Variants in DGKB observed in about 807,000 individuals in gnomAD.
DGKB encodes 90 kDa diacylglycerol kinase.
DGKB carries 67 observed loss-of-function variants against 114.3 expected under a neutral mutation model. That is an observed-to-expected ratio of 0.59 (90% CI 0.48 to 0.72). The LOEUF is 0.72. Among genes scored for constraint, DGKB ranks in the 30% least tolerant of loss-of-function variants. The pLI is 0.00. For synonymous variants in DGKB, 398 were observed against 323.1 expected (o/e 1.23, Z -2.49); for missense variants, 907 against 975.2 (o/e 0.93, Z 0.93).
intron 13 of DGKB, among the ~76,000 whole-genome samples, chr7:14,641,253 CAATAT>C (rs1811728995): frequency 5.2e-5 from 1 of 19,058 alleles, no homozygotes; most frequent in South Asian, 1.0e-3. Context: ...ATTTGGTTTA[CAATAT>C]AGGGATTTGG....
At chr7:14,921,641 T>C (rs2128247310) in intron 1 of DGKB, among the ~76,000 whole-genome samples, 1 of 152,266 alleles carries the variant, frequency 6.6e-6, no homozygotes, top group Admixed American at 6.5e-5. Flanking sequence ...CTGTTAACCA[T>C]CCTATAATAC....
intron 17 of DGKB, among the ~76,000 whole-genome samples, chr7:14,594,379 A>T (rs1364059426): frequency 2.6e-5 from 4 of 152,122 alleles, no homozygotes; most frequent in Non-Finnish European, 5.9e-5. Flanking sequence ...AGGTTAAAAT[A>T]TTTCTTGTAA....
In DGKB at chr7:14,841,318, T is replaced by C. The variant is rs1035402602; in HGVS notation, c.-55A>G. ...AGGTAAAAGATTCTTTATTCAGGTG[T>C]TGCGCAGAGGTCTATGCTTCAAAGA... On this transcript the variant is annotated 5_prime_UTR_variant, in exon 2 of 26. Coordinates refer to ENST00000402815, the MANE Select transcript of DGKB (RefSeq NM_001350709.2). 7.3e-6 allele frequency: 11 copies of C among 1,506,804 alleles called. No homozygotes were observed. Among genetic ancestry groups the C allele is most frequent in the Non-Finnish European group, 1.0e-5 (11 of 1,089,612 alleles). 93.3% of individuals were successfully genotyped at this position (1,506,804 alleles called of 1,614,324 possible).
chr7:14,203,975 T>A (rs1445272676), intron 23 of DGKB, among the ~76,000 whole-genome samples: 3 of 151,848 alleles, frequency 2.0e-5, no homozygotes, highest in Admixed American at 6.6e-5. Context: ...TATTCTCTCC[T>A]CCCCCAGCGA....
At chr7:14,689,196 C>CTTTT (rs1554599070) in intron 9 of DGKB, among the ~76,000 whole-genome samples, 8 of 80,306 alleles carry the variant, frequency 1.0e-4, no homozygotes, top group Admixed American at 3.9e-4. Flanking sequence ...AGAAACTCCT[C>CTTTT]TTATTTTTTT....
chr7:14,316,432 T>G (rs1383235630), intron 23 of DGKB, among the ~76,000 whole-genome samples: 1 of 121,352 alleles, frequency 8.2e-6, no homozygotes, highest in Non-Finnish European at 1.7e-5. Context: ...ATAGACGCAA[T>G]AAAAAATGAT....
chr7:14,154,141 G>A (rs1782622214), intron 25 of DGKB, among the ~76,000 whole-genome samples: 1 of 148,324 alleles, frequency 6.7e-6, no homozygotes, highest in South Asian at 2.1e-4. Flanking sequence ...CAAAAGGAGT[G>A]TGGATAATAG....
intron 21 of DGKB, among the ~76,000 whole-genome samples, chr7:14,379,528 C>T (rs962766728): frequency 6.6e-6 from 1 of 151,594 alleles, no homozygotes; most frequent in Admixed American, 6.6e-5. Context: ...TGGATGACTT[C>T]AGCTGGCTTT....
chr7:14,766,536 T>C (rs967038033), intron 2 of DGKB, among the ~76,000 whole-genome samples: 5 of 151,840 alleles, frequency 3.3e-5, no homozygotes, highest in African/African-American at 9.7e-5. Context: ...GAGTCTTCAA[T>C]TTTAGTTTTA....
intron 1 of DGKB, among the ~76,000 whole-genome samples, chr7:14,856,543 A>C (rs1337921317): frequency 6.6e-6 from 1 of 152,144 alleles, no homozygotes; most frequent in African/African-American, 2.4e-5. Context: ...AACTTGTATC[A>C]GATGGCCTTT....
chr7:14,487,075 C>T (rs757267198), intron 20 of DGKB, among the ~76,000 whole-genome samples: 1 of 152,202 alleles, frequency 6.6e-6, no homozygotes, highest in Admixed American at 6.5e-5. Context: ...TGCCACGTAC[C>T]GTGGTGGGCA....
intron 1 of DGKB, among the ~76,000 whole-genome samples, chr7:14,953,141 G>T (rs2128261420): frequency 6.6e-6 from 1 of 151,972 alleles, no homozygotes; most frequent in African/African-American, 2.4e-5. Flanking sequence ...TTCTGACATT[G>T]GATTTGCCAA....
chr7:14,574,513 G>A (rs970223439), intron 19 of DGKB, 141 bp from the exon 20 acceptor site: 3 of 673,786 alleles, frequency 4.5e-6, no homozygotes, highest in African/African-American at 1.8e-5. Context: ...ACCAAATGAA[G>A]AATTAATTAT....
At chr7:14,444,980 G>A (rs536029972) in intron 21 of DGKB, among the ~76,000 whole-genome samples, 1 of 151,904 alleles carries the variant, frequency 6.6e-6, no homozygotes, top group African/African-American at 2.4e-5. Context: ...TTAGTTACTA[G>A]TTCAAAGTGC....
At chr7:14,245,821 G>A (rs532193826) in intron 23 of DGKB, among the ~76,000 whole-genome samples, 1 of 152,120 alleles carries the variant, frequency 6.6e-6, no homozygotes, top group African/African-American at 2.4e-5. Context: ...CCAGCTACTC[G>A]AGAGGTTGAG....
intron 20 of DGKB, among the ~76,000 whole-genome samples, chr7:14,521,123 T>A (rs1789699524): frequency 6.6e-6 from 1 of 152,134 alleles, no homozygotes; most frequent in South Asian, 2.1e-4. Context: ...TGTTGCTGCC[T>A]TCAAACTCTG....
chr7:14,175,220 C>T (rs888350179), intron 25 of DGKB, among the ~76,000 whole-genome samples: 1 of 152,118 alleles, frequency 6.6e-6, no homozygotes, highest in Admixed American at 6.5e-5. Flanking sequence ...TGTATTTTCT[C>T]CATCTAAAAA....
chr7:14,751,824 G>C (rs765571007), intron 4 of DGKB, among the ~76,000 whole-genome samples: 51 of 152,164 alleles, frequency 3.4e-4, no homozygotes, highest in Admixed American at 1.2e-3. Flanking sequence ...AAAGGAAATA[G>C]AATTTGTTGG....
intron 5 of DGKB, among the ~76,000 whole-genome samples, chr7:14,728,164 G>C (rs181966526): frequency 6.6e-6 from 1 of 152,284 alleles, no homozygotes; most frequent in African/African-American, 2.4e-5. Flanking sequence ...AGCAATGGGA[G>C]AGTTGGGGAC....
Sources: allele counts gnomAD v4.1 joint callset (sites outside exome capture counted in the v4.1 genomes callset), GRCh38; gene constraint gnomAD v4.1.1; transcripts MANE v1.5; gene names NCBI Gene and HGNC (gene_info 2026-07-23, HGNC 2026-07-21).